The following SPAG7 variants were observed in gnomAD, a reference collection of about 807,000 sequenced individuals.
SPAG7 encodes the protein sperm associated antigen 7.
Under a neutral mutation model 30.6 loss-of-function variants are expected in SPAG7, and 20 were observed. That is an observed-to-expected ratio of 0.65 (90% confidence interval 0.46 to 0.95). SPAG7 has a LOEUF of 0.95. Among genes scored for constraint, SPAG7 ranks in the 40% least tolerant of loss-of-function variants. The pLI is 0.00. For missense variants in SPAG7, 276 were observed against 291.1 expected, an observed-to-expected ratio of 0.95 and a Z score of 0.38; for synonymous variants, 127 against 104.2, an observed-to-expected ratio of 1.22 and a Z score of -1.33.
At chr17:4,961,635 G>C (rs1259768045) in intron 1 of SPAG7, among the ~76,000 whole-genome samples, 5 of 149,996 alleles carry the variant, frequency 3.3e-5, no homozygotes, top group East Asian at 1.9e-4. Flanking sequence ...TGTGGTGGTG[G>C]GCGCCTGTAG....
At chr17:4,960,181 G>C (rs1420136182) in intron 4 of SPAG7, 53 bp downstream of exon 4, 3 of 1,600,650 alleles carry the variant, frequency 1.9e-6, no homozygotes, top group Non-Finnish European at 2.6e-6. Context: ...GTCGGGGAGG[G>C]GGGATAAGGC....
intron 1 of SPAG7, among the ~76,000 whole-genome samples, chr17:4,965,287 G>C (rs1971931264): frequency 1.3e-5 from 2 of 152,126 alleles, no homozygotes; most frequent in African/African-American, 4.8e-5. Flanking sequence ...GACCTCAAGT[G>C]ATCTGCCCGC....
chr17:4,960,607 C>T, intron 2 of SPAG7, 60 bp from the exon 3 acceptor site: 1 of 1,458,144 alleles, frequency 6.9e-7, no homozygotes, highest in Non-Finnish European at 9.6e-7. Context: ...TACCCCTCTC[C>T]CTAGCTGAGC....
Position 4,960,100 on chromosome 17 carries a change from G to T in SPAG7, c.339C>A (p.Pro113=). 6.2e-7 allele frequency: 1 copy of T among 1,613,754 alleles called. No homozygotes were observed. Among genetic ancestry groups the T allele is most frequent in the Non-Finnish European group, 8.5e-7 (1 of 1,179,628 alleles). The part of the protein sequence containing the change: ...YVMIFKKEFA[P]SDEELDSYRR... ...GGTAAGAGTCTAGCTCTTCATCTGA[G>T]GGTGCAAACTCCTGAAGAAGAGCAG... is the stretch of plus-strand genomic sequence containing the variant. Residue 113 remains proline, a synonymous_variant, in exon 5 of 7, where the codon CCC becomes CCA. Coordinates refer to ENST00000206020, the MANE Select transcript of SPAG7 (RefSeq NM_004890.3).
At position 4,960,487 on chromosome 17, in the gene SPAG7, G is replaced by A; in HGVS notation, c.214C>T (p.Pro72Ser). The A allele has an allele frequency of 6.2e-7, 1 of 1,601,654 alleles. No homozygotes were observed. The part of the protein sequence containing the change: ...DSGQIKKKFQ[P>S]MNKIERSILH... ...ATGCTCCTCTCGATCTTGTTCATTG[G>A]CTGAAACTTTTTCTTGATCTGCCCA... is the stretch of plus-strand genomic sequence containing the variant. Residue 72 changes from proline to serine, a missense_variant, in exon 3 of 7, where the codon CCA (proline) becomes TCA (serine). Coordinates refer to ENST00000206020, the MANE Select transcript of SPAG7 (RefSeq NM_004890.3).
At chr17:4,961,183 C>T (rs1798492783) in intron 1 of SPAG7, among the ~76,000 whole-genome samples, 1 of 152,168 alleles carries the variant, frequency 6.6e-6, no homozygotes, top group South Asian at 2.1e-4. Flanking sequence ...ATAGACCAGG[C>T]ATGGTGGCTC....
rs1426704627 is a variant in SPAG7, at chr17:4,965,042, T to C, written c.85+2678A>G. On this transcript the variant is annotated intron_variant, in intron 1 of 6. Transcript: ENST00000206020. Reference sequence around the variant, plus strand: ...CTCCTGCCTCAGCCTCCCGAGTAGCTGGGATCACAGGCATGTGCCACTACA... The same window carrying C: ...CTCCTGCCTCAGCCTCCCGAGTAGCCGGGATCACAGGCATGTGCCACTACA... Among the ~76,000 whole-genome samples, 4 of 152,318 alleles carry C rather than the reference T, an allele frequency of 2.6e-5. No homozygotes were observed. The East Asian group carries it at 5.8e-4, about 22-fold the overall frequency.
chr17:4,964,643 G>A (rs1042017026), intron 1 of SPAG7, among the ~76,000 whole-genome samples: 1 of 152,094 alleles, frequency 6.6e-6, no homozygotes, highest in Non-Finnish European at 1.5e-5. Flanking sequence ...TTATAGGCGT[G>A]AGCCACCGCA....
At chr17:4,960,364 G>C (rs373972761) in intron 3 of SPAG7, 46 bp from the exon 4 acceptor site, 1 of 1,606,122 alleles carries the variant, frequency 6.2e-7, no homozygotes, top group Non-Finnish European at 8.5e-7. Flanking sequence ...AGCCAGGAGC[G>C]GGCCTAGTGC....
At position 4,960,868 on chromosome 17, in the gene SPAG7, T is replaced by C. The variant is rs1159590311; in HGVS notation, c.86-15A>G. Reference sequence around the variant, plus strand: ...GGCGGCCTGTTCTGGGGGTGAGAAATGGCAACATGAAGCCAGGGCTGGAAG... The same window carrying C: ...GGCGGCCTGTTCTGGGGGTGAGAAACGGCAACATGAAGCCAGGGCTGGAAG... On this transcript the variant is annotated splice_polypyrimidine_tract_variant and intron_variant, in intron 1 of 6. Transcript: ENST00000206020. 1.9e-6 allele frequency: 3 copies of C among 1,613,272 alleles called. No homozygotes were observed. Among genetic ancestry groups the C allele is most frequent in the African/African-American group, 2.7e-5 (2 of 74,918 alleles).
At chr17:4,960,340 G>T in intron 3 of SPAG7, 22 bp from the exon 4 acceptor site, 1 of 1,613,086 alleles carries the variant, frequency 6.2e-7, no homozygotes, top group Admixed American at 1.7e-5. Context: ...TGGCAGAGGG[G>T]AAAGAGCATC....
At chr17:4,965,123 G>A (rs113908070) in intron 1 of SPAG7, among the ~76,000 whole-genome samples, 4,405 of 152,140 alleles carry the variant, frequency 0.029, 91 homozygotes, top group Middle Eastern at 0.071. Flanking sequence ...ATGTTGGTCA[G>A]GCTGGTCTCG....
Position 4,959,581 on chromosome 17 carries a change from T to A in SPAG7, c.637A>T (p.Lys213Ter). The A allele has an allele frequency of 1.9e-6, 3 of 1,614,144 alleles. No homozygotes were observed. Among genetic ancestry groups the A allele is most frequent in the Non-Finnish European group, 2.5e-6 (3 of 1,180,032 alleles). ...TCCCCACTCTGCCGCAGACGCTTCT[T>A]GGCTCTGATCTCATTCATAGCCTCT... ...IEEAMNEIRA[K>*]KRLRQSGEEL... Residue 213 changes from lysine to a stop codon, truncating the protein, a stop_gained, in exon 7 of 7, where the codon AAG becomes TAG. Coordinates refer to ENST00000206020, the MANE Select transcript of SPAG7 (RefSeq NM_004890.3). LOFTEE classifies it high-confidence loss of function.
At chr17:4,962,274 C>T (rs373909668) in intron 1 of SPAG7, among the ~76,000 whole-genome samples, 1,640 of 152,214 alleles carry the variant, frequency 0.011, 21 homozygotes, top group Non-Finnish European at 0.013. Flanking sequence ...CCACCACACC[C>T]GGCTAATTTT....
chr17:4,963,089 G>A (rs969128049), intron 1 of SPAG7, among the ~76,000 whole-genome samples: 3 of 151,720 alleles, frequency 2.0e-5, no homozygotes, highest in Non-Finnish European at 4.4e-5. Context: ...TTTGTACATT[G>A]TGGGCATTAA....
chr17:4,963,021 C>A (rs1465592619), intron 1 of SPAG7, among the ~76,000 whole-genome samples: 1 of 151,832 alleles, frequency 6.6e-6, no homozygotes, highest in Non-Finnish European at 1.5e-5. Flanking sequence ...CCCACCTTGA[C>A]CTTCCAAAGT....
chr17:4,963,004 T>G (rs35688913), intron 1 of SPAG7, among the ~76,000 whole-genome samples: 1 of 151,834 alleles, frequency 6.6e-6, no homozygotes, highest in East Asian at 1.9e-4. Flanking sequence ...TGGCCTCAAG[T>G]AATCCTCCCA....
At chr17:4,963,451 ATTTTT>A (rs35484038) in intron 1 of SPAG7, among the ~76,000 whole-genome samples, 2 of 103,192 alleles carry the variant, frequency 1.9e-5, no homozygotes. Flanking sequence ...GGAAAGGGGA[ATTTTT>A]TTTTTTTTTT....
intron 1 of SPAG7, among the ~76,000 whole-genome samples, chr17:4,965,504 C>G (rs958886193): frequency 6.6e-6 from 1 of 151,986 alleles, no homozygotes; most frequent in Admixed American, 6.6e-5. Context: ...AGAGAACTAA[C>G]GTATCATAAC....
Sources: gnomAD v4.1 joint callset for allele counts (sites outside exome capture counted in the v4.1 genomes callset) on GRCh38, gnomAD v4.1.1 for gene constraint, MANE v1.5 for transcripts, NCBI Gene and HGNC (gene_info 2026-07-23, HGNC 2026-07-21) for gene names.